Variants in FAM98B observed in about 807,000 individuals in gnomAD.
FAM98B encodes the protein tRNA splicing ligase complex subunit 3B, also known as tRNA-splicing ligase complex subunit FAM98B.
In FAM98B, 32 loss-of-function variants were observed where a neutral mutation model predicts 43.9. That is an observed-to-expected ratio of 0.73 (90% CI 0.55 to 0.98). FAM98B has a LOEUF of 0.98. Among genes scored for constraint, FAM98B ranks in the 50% least tolerant of loss-of-function variants. The pLI, the probability that FAM98B is intolerant of heterozygous loss-of-function variation, is 0.00. For synonymous variants in FAM98B, 190 were observed against 174.0 expected, an observed-to-expected ratio of 1.09 and a Z score of -0.72; for missense variants, 514 against 522.9, an observed-to-expected ratio of 0.98 and a Z score of 0.17.
At chr15:38,457,409 A>G (rs1004465880) in intron 1 of FAM98B, among the ~76,000 whole-genome samples, 1 of 152,152 alleles carries the variant, frequency 6.6e-6, no homozygotes, top group African/African-American at 2.4e-5. Flanking sequence ...TGAAGATAGG[A>G]GAGAGTTGGT....
intron 1 of FAM98B, among the ~76,000 whole-genome samples, chr15:38,460,278 A>G (rs950593087): frequency 6.6e-6 from 1 of 152,248 alleles, no homozygotes; most frequent in African/African-American, 2.4e-5. Context: ...GGCATTGGAA[A>G]TCAAAGCCAG....
At chr15:38,468,560 TC>T (rs568172902) in intron 3 of FAM98B, among the ~76,000 whole-genome samples, 88 of 152,296 alleles carry the variant, frequency 5.8e-4, no homozygotes, top group African/African-American at 2.0e-3. Context: ...CTTAGTATAG[TC>T]CTCATAAGGA....
chr15:38,481,226 T>C (rs1890278972), intron 6 of FAM98B, 66 bp from the exon 7 acceptor site: 1 of 1,357,228 alleles, frequency 7.4e-7, no homozygotes, highest in East Asian at 2.3e-5. Context: ...CTAAAGATTA[T>C]GATTGTTTTT....
intron 2 of FAM98B, among the ~76,000 whole-genome samples, chr15:38,464,978 A>C (rs1890006581): frequency 6.6e-6 from 1 of 152,222 alleles, no homozygotes; most frequent in Non-Finnish European, 1.5e-5. Flanking sequence ...ACATAATTAC[A>C]TTATGAAATA....
At chr15:38,477,953 A>G (rs1890229209) in intron 6 of FAM98B, among the ~76,000 whole-genome samples, 1 of 152,228 alleles carries the variant, frequency 6.6e-6, no homozygotes. Context: ...GAGCTCTGGA[A>G]ACTTAAATAG....
At chr15:38,468,679 C>T (rs1223628224) in intron 3 of FAM98B, among the ~76,000 whole-genome samples, 1 of 152,020 alleles carries the variant, frequency 6.6e-6, no homozygotes, top group Non-Finnish European at 1.5e-5. Flanking sequence ...AACCAGTGAC[C>T]CTCAATCTTG....
intron 6 of FAM98B, among the ~76,000 whole-genome samples, chr15:38,481,018 T>C (rs187658276): frequency 3.3e-4 from 51 of 152,256 alleles, no homozygotes; most frequent in African/African-American, 1.2e-3. Context: ...GGTAAAACTA[T>C]TTTTTAGGTA....
At chr15:38,462,575 G>A (rs1889966526) in intron 1 of FAM98B, among the ~76,000 whole-genome samples, 1 of 152,118 alleles carries the variant, frequency 6.6e-6, no homozygotes, top group Admixed American at 6.5e-5. Context: ...ATTGTTAGTA[G>A]TAATGCTGGA....
rs190840570 is a variant in FAM98B, at chr15:38,464,349, G to T, written c.217+172G>T. On this transcript the variant is annotated intron_variant, in intron 2 of 7. Coordinates refer to ENST00000397609, the MANE Select transcript of FAM98B (RefSeq NM_173611.4). ...TTAAATTTTATATTAATCCAGAATT[G>T]ATATTTAAATTTGCTATAAAACTAT... 4.2e-4 allele frequency among the ~76,000 whole-genome samples: 64 copies of T among 152,238 alleles called. No individual in the cohort carries two copies. The East Asian group carries it at 9.6e-3, about 23-fold the overall frequency.
intron 1 of FAM98B, 130 bp from the exon 2 acceptor site, chr15:38,463,902 T>TA (rs1187743493): frequency 1.2e-6 from 1 of 842,578 alleles, no homozygotes; most frequent in Non-Finnish European, 1.7e-6. Flanking sequence ...TGTAGATTAA[T>TA]ACATTTAATG....
Position 38,487,484 on chromosome 15 carries a change from C to T in FAM98B, c.*2825C>T, listed in dbSNP as rs1890396235. The T allele has an allele frequency of 6.6e-6, 1 of 152,048 alleles. No homozygotes were observed. Among genetic ancestry groups the T allele is most frequent in the Non-Finnish European group, 1.5e-5 (1 of 67,924 alleles). The allele number at this position is 152,048 out of a possible 1,614,324, so 9.4% of individuals were successfully genotyped here. A position where few individuals can be genotyped will look rare whatever the true frequency, so the allele number is the denominator to read the frequency against. ...TCAGGCTGTCAGTGTGACTTTATTA[C>T]TTTGTATGAAGTATTATGAATTGCC... On this transcript the variant is annotated 3_prime_UTR_variant, in exon 8 of 8. Coordinates refer to ENST00000397609, the MANE Select transcript of FAM98B (RefSeq NM_173611.4).
intron 3 of FAM98B, among the ~76,000 whole-genome samples, chr15:38,466,571 CAG>C (rs1388430541): frequency 6.6e-6 from 1 of 152,032 alleles, no homozygotes; most frequent in Non-Finnish European, 1.5e-5. Context: ...AGAAATTTAA[CAG>C]AAATATATAG....
intron 4 of FAM98B, among the ~76,000 whole-genome samples, chr15:38,473,190 A>G (rs1006263967): frequency 3.3e-5 from 5 of 152,176 alleles, no homozygotes; most frequent in African/African-American, 9.6e-5. Flanking sequence ...AGAAAGTGCT[A>G]TCTTAAGTAG....
chr15:38,454,144 G>C lies in FAM98B; in HGVS notation c.-18G>C. 1 of 1,587,530 alleles carries C rather than the reference G, an allele frequency of 6.3e-7. No individual in the cohort carries two copies. Among genetic ancestry groups the C allele is most frequent in the Non-Finnish European group, 8.6e-7 (1 of 1,168,330 alleles). ...GGCGGGCTACTTAGAGCGCCGAACA[G>C]CTCTGGGCCAAAGGACCATGAGAGG... On this transcript the variant is annotated 5_prime_UTR_variant, in exon 1 of 8. Coordinates refer to ENST00000397609, the MANE Select transcript of FAM98B (RefSeq NM_173611.4).
chr15:38,467,647 G>A (rs1280299434), intron 3 of FAM98B, among the ~76,000 whole-genome samples: 5 of 152,074 alleles, frequency 3.3e-5, no homozygotes, highest in Non-Finnish European at 7.4e-5. Context: ...TTTTGACTTG[G>A]CAATTGTTTG....
chr15:38,465,410 T>G lies in FAM98B; in HGVS notation c.352+7T>G. 1 of 1,572,800 alleles carries G rather than the reference T, an allele frequency of 6.4e-7. No individual in the cohort carries two copies. The highest frequency in any genetic ancestry group is 8.6e-7 in the Non-Finnish European group (1 of 1,163,322). On this transcript the variant is annotated splice_region_variant and intron_variant, in intron 3 of 7. Transcript: ENST00000397609. ...GACTGTTTGAAACTTCTATGTAAGT[T>G]ATCTTGAACATTTAAATGCATGTGT...
chr15:38,454,130 T>G lies in FAM98B; in HGVS notation c.-32T>G. 6.3e-7 allele frequency: 1 copy of G among 1,577,104 alleles called. No individual in the cohort carries two copies. Among genetic ancestry groups the G allele is most frequent in the Non-Finnish European group, 8.6e-7 (1 of 1,161,856 alleles). On this transcript the variant is annotated 5_prime_UTR_variant, in exon 1 of 8. Coordinates refer to ENST00000397609, the MANE Select transcript of FAM98B (RefSeq NM_173611.4). ...TGACGCTAGTTTCCGGCGGGCTACT[T>G]AGAGCGCCGAACAGCTCTGGGCCAA...
intron 1 of FAM98B, chr15:38,458,840 G>A: frequency 4.1e-6 from 2 of 486,730 alleles, no homozygotes; most frequent in Non-Finnish European, 4.1e-6. Context: ...CTCAGTATCT[G>A]CCATGTCATC....
chr15:38,476,331 C>T (rs978249224), intron 6 of FAM98B, among the ~76,000 whole-genome samples: 9 of 151,802 alleles, frequency 5.9e-5, no homozygotes, highest in African/African-American at 2.2e-4. Context: ...TGAAATTGCA[C>T]AATATGTGTT....
Sources: allele counts gnomAD v4.1 joint callset (sites outside exome capture counted in the v4.1 genomes callset), GRCh38; gene constraint gnomAD v4.1.1; transcripts MANE v1.5; gene names NCBI Gene and HGNC (gene_info 2026-07-23, HGNC 2026-07-21).